Variants in TRPC5 observed in about 807,000 individuals in gnomAD.
TRPC5 encodes the protein transient receptor potential cation channel subfamily C member 5.
TRPC5 carries 9 observed loss-of-function variants against 56.5 expected under a neutral mutation model. The ratio of observed to expected loss-of-function variants is 0.16; its 90% CI spans 0.10 to 0.28. The LOEUF is 0.28. Among genes scored for constraint, TRPC5 ranks in the 10% least tolerant of loss-of-function variants. The pLI, the probability that TRPC5 is intolerant of heterozygous loss-of-function variation, is 1.00. For synonymous variants in TRPC5, 282 were observed against 278.5 expected, an observed-to-expected ratio of 1.01 and a Z score of -0.13; for missense variants, 469 against 748.9, an observed-to-expected ratio of 0.63 and a Z score of 4.36.
chrX:112,034,470 T>C lies in TRPC5; in HGVS notation c.-22+47409A>G, dbSNP rs1409412787. 4.5e-5 allele frequency among the ~76,000 whole-genome samples: 5 copies of C among 110,781 alleles called. No homozygotes were observed. The East Asian group carries it at 1.4e-3, about 31-fold the overall frequency. On this transcript the variant is annotated intron_variant, in intron 1 of 10. Coordinates refer to ENST00000262839, the MANE Select transcript of TRPC5 (RefSeq NM_012471.3). ...TGCCAATGTACAGAAACACAACTGA[T>C]TTTGTATGTTGATTTTTGTTCTGAA... is the stretch of plus-strand genomic sequence containing the variant.
rs199800174 is a variant in TRPC5 at position 111,847,368 on chromosome X, G to A, written c.1446C>T (p.Phe482=). Residue 482 remains phenylalanine, a synonymous_variant, in exon 6 of 11, where the codon TTC becomes TTT. Coordinates refer to ENST00000262839, the MANE Select transcript of TRPC5 (RefSeq NM_012471.3). ...ACGAACTTAAAATGTTGGATATTGC[G>A]AAGAGTGCTTCCGCAATCAGAGTCG... ...WHPTLIAEAL[F]AISNILSSLR... The A allele has an allele frequency of 9.9e-6, 12 of 1,209,846 alleles. No individual in the cohort carries two copies. In the East Asian group the frequency reaches 1.2e-4, roughly 12 times the overall value.
Position 111,887,047 on chromosome X carries a change from A to C in TRPC5, c.900+25244T>G, listed in dbSNP as rs1027379600. On this transcript the variant is annotated intron_variant, in intron 3 of 10. Transcript: ENST00000262839. Reference sequence around the variant, plus strand: ...ACAGTCTCCACTCTTTGCATGTGCCAGTGGCAATGGGGCAAAGCTTTCAAC... The same window carrying C: ...ACAGTCTCCACTCTTTGCATGTGCCCGTGGCAATGGGGCAAAGCTTTCAAC... 6.2e-5 allele frequency among the ~76,000 whole-genome samples: 7 copies of C among 112,635 alleles called. No homozygotes were observed. In the Admixed American group the frequency reaches 6.6e-4, roughly 11 times the overall value.
At position 111,768,664 on chromosome X, in the gene TRPC5, A is replaced by G. The variant is rs1259289110; in HGVS notation, c.*7649T>C. ...AGCTTTACTTTTACTTTGTTAAGGT[A>G]GTAATTTGAACACTTAATTTTAAAG... is the stretch of plus-strand genomic sequence containing the variant. On this transcript the variant is annotated 3_prime_UTR_variant, in exon 11 of 11. Coordinates refer to ENST00000262839, the MANE Select transcript of TRPC5 (RefSeq NM_012471.3). Among the ~76,000 whole-genome samples, 1 of 112,172 alleles carries G rather than the reference A, an allele frequency of 8.9e-6. No individual in the cohort carries two copies. Among genetic ancestry groups the G allele is most frequent in the African/African-American group, 3.2e-5 (1 of 30,892 alleles).
At chrX:111,902,771 G>A (rs1168319936) in intron 3 of TRPC5, 1 of 111,999 alleles carries the variant, frequency 8.9e-6, no homozygotes, top group Non-Finnish European at 1.9e-5. Context: ...AGTGAAGAAA[G>A]GTTTTCAAAT....
intron 1 of TRPC5, among the ~76,000 whole-genome samples, chrX:111,988,309 G>T (rs941602417): frequency 2.7e-5 from 3 of 110,750 alleles, no homozygotes; most frequent in Admixed American, 9.6e-5. Context: ...TATCAATTAG[G>T]TGCCATATGC....
chrX:111,854,907 C>A, intron 3 of TRPC5, among the ~76,000 whole-genome samples: 1 of 111,666 alleles, frequency 9.0e-6, no homozygotes, highest in East Asian at 2.8e-4. Context: ...ACTAACCCAG[C>A]TGGGATTTTA....
At chrX:111,989,500 G>A (rs891594504) in intron 1 of TRPC5, among the ~76,000 whole-genome samples, 3 of 111,631 alleles carry the variant, frequency 2.7e-5, no homozygotes, top group Non-Finnish European at 5.6e-5. Context: ...TTAAAGCCAA[G>A]GTTTCAACTT....
intron 3 of TRPC5, chrX:111,876,049 C>A (rs1172483189): frequency 9.3e-6 from 1 of 107,179 alleles, no homozygotes; most frequent in African/African-American, 3.4e-5. Flanking sequence ...AAAAAAAAAA[C>A]TAGAAAAGAC....
chrX:111,786,820 G>A (rs1945970116), intron 7 of TRPC5, among the ~76,000 whole-genome samples: 1 of 111,389 alleles, frequency 9.0e-6, no homozygotes. Flanking sequence ...AGACAAAGAA[G>A]GCCATTACAT....
intron 1 of TRPC5, among the ~76,000 whole-genome samples, chrX:111,973,105 T>C (rs1027078636): frequency 6.3e-5 from 7 of 111,939 alleles, no homozygotes; most frequent in African/African-American, 1.9e-4. Flanking sequence ...TTTCTTAGTA[T>C]GTAAAAACTC....
intron 1 of TRPC5, among the ~76,000 whole-genome samples, chrX:111,997,320 A>G (rs1928564706): frequency 8.9e-6 from 1 of 111,742 alleles, no homozygotes; most frequent in African/African-American, 3.3e-5. Flanking sequence ...AATGTTGAAT[A>G]TTGGGCCCCA....
At chrX:111,938,321 A>G (rs1926661091) in intron 2 of TRPC5, among the ~76,000 whole-genome samples, 2 of 96,486 alleles carry the variant, frequency 2.1e-5, no homozygotes, top group Non-Finnish European at 4.1e-5. Flanking sequence ...CTCTTTTCCT[A>G]ATTGAATACC....
intron 1 of TRPC5, among the ~76,000 whole-genome samples, chrX:111,967,740 T>C (rs1425895636): frequency 1.8e-5 from 2 of 111,548 alleles, no homozygotes; most frequent in Admixed American, 1.9e-4. Flanking sequence ...CCCTATTTAA[T>C]AAATGGTGCT....
chrX:112,071,309 A>AAAATAAATAAATAAAT (rs199726256), intron 1 of TRPC5, among the ~76,000 whole-genome samples: 6 of 105,203 alleles, frequency 5.7e-5, no homozygotes, highest in African/African-American at 1.8e-4. Context: ...CCCTGTCTCA[A>AAAATAAATAAATAAAT]AAATAAATAA....
chrX:111,932,772 T>C (rs1397723887), intron 2 of TRPC5, among the ~76,000 whole-genome samples: 2 of 111,641 alleles, frequency 1.8e-5, no homozygotes. Flanking sequence ...ACCCAGCTAT[T>C]TGTGATCAGA....
chrX:111,835,327 T>C (rs1458728992), intron 6 of TRPC5, among the ~76,000 whole-genome samples: 2 of 112,415 alleles, frequency 1.8e-5, no homozygotes, highest in African/African-American at 6.5e-5. Flanking sequence ...ATGCTTTGCT[T>C]TTCTACCTGA....
In TRPC5 at chrX:112,027,713, G is replaced by A. The variant is rs1929456097; in HGVS notation, c.-22+54166C>T. On this transcript the variant is annotated intron_variant, in intron 1 of 10. Transcript: ENST00000262839. ...GGGTTTCACCGTGTTAGCCATGATG[G>A]TCTCGATCTCCTGACCTCATGATCC... 3.6e-5 allele frequency among the ~76,000 whole-genome samples: 4 copies of A among 110,521 alleles called. No homozygotes were observed. The Admixed American group carries it at 3.9e-4, about 11-fold the overall frequency.
chrX:111,998,478 G>A (rs759718063), intron 1 of TRPC5, among the ~76,000 whole-genome samples: 23 of 111,324 alleles, frequency 2.1e-4, no homozygotes, highest in African/African-American at 7.5e-4. Flanking sequence ...TATGTGAAGG[G>A]TTGGTTCCAG....
chrX:111,849,780 G>A (rs2148584726), intron 5 of TRPC5, among the ~76,000 whole-genome samples: 1 of 112,128 alleles, frequency 8.9e-6, no homozygotes, highest in South Asian at 3.8e-4. Context: ...TTAACCTACT[G>A]CTTATTTATC....
Sources: allele counts gnomAD v4.1 joint callset (sites outside exome capture counted in the v4.1 genomes callset), GRCh38; gene constraint gnomAD v4.1.1; transcripts MANE v1.5; gene names NCBI Gene and HGNC (gene_info 2026-07-23, HGNC 2026-07-21).